Variants in HYDIN observed in about 807,000 individuals in gnomAD.
HYDIN encodes the protein axonemal central pair apparatus protein HYDIN.
A neutral mutation model predicts 403.9 loss-of-function variants in HYDIN; 132 were observed. The ratio of observed to expected loss-of-function variants is 0.33; its 90% confidence interval spans 0.28 to 0.38. The LOEUF (loss-of-function observed/expected upper bound fraction) is 0.38, where lower values mean the gene tolerates loss of function less well. Ranked by LOEUF, HYDIN falls within the 10% of genes least tolerant of loss-of-function variation. HYDIN has a pLI of 1.00. For synonymous variants in HYDIN, 1,202 were observed against 1,891.7 expected, an observed-to-expected ratio of 0.64 and a Z score of 9.46; for missense variants, 2,827 against 5,009.5, an observed-to-expected ratio of 0.56 and a Z score of 13.15.
At chr16:71,049,028 TAG>T (rs1452368624) in intron 18 of HYDIN, among the ~76,000 whole-genome samples, 1 of 152,236 alleles carries the variant, frequency 6.6e-6, no homozygotes, top group Non-Finnish European at 1.5e-5. Context: ...GTCCCTTACA[TAG>T]AAAAAGAGGC....
intron 1 of HYDIN, among the ~76,000 whole-genome samples, chr16:71,208,915 C>A (rs149540172): frequency 1.3e-5 from 2 of 152,168 alleles, no homozygotes; most frequent in African/African-American, 4.8e-5. Flanking sequence ...AGCCTACGAA[C>A]CAAAGAAAGC....
In HYDIN at chr16:70,931,769, C is replaced by T. The variant is rs541954360; in HGVS notation, c.7158+4183G>A. ...GTGGCTCATGCCTGTAATCCCAGCACTTTGGGAGGCCAAGGTGGATGGATC... is the reference window on the plus strand; with the variant it reads ...GTGGCTCATGCCTGTAATCCCAGCATTTTGGGAGGCCAAGGTGGATGGATC... On this transcript the variant is annotated intron_variant, in intron 45 of 85. Coordinates refer to ENST00000393567, the MANE Select transcript of HYDIN (RefSeq NM_001270974.2). Among the ~76,000 whole-genome samples, 3 of 152,174 alleles carry T rather than the reference C, an allele frequency of 2.0e-5. No individual in the cohort carries two copies. In the East Asian group the frequency reaches 5.8e-4, roughly 29 times the overall value.
At chr16:71,181,196 T>TAA (rs926272733) in intron 3 of HYDIN, among the ~76,000 whole-genome samples, 1 of 142,152 alleles carries the variant, frequency 7.0e-6, no homozygotes, top group African/African-American at 2.6e-5. Context: ...TGCAATACAT[T>TAA]AAAAAAAAAA....
At chr16:71,171,305 C>T (rs970528374) in intron 5 of HYDIN, among the ~76,000 whole-genome samples, 8 of 152,354 alleles carry the variant, frequency 5.3e-5, no homozygotes, top group African/African-American at 1.9e-4. Flanking sequence ...ACTTTCCTAT[C>T]AGAGAAGTCT....
chr16:70,963,052 G>A (rs533351767), intron 37 of HYDIN, among the ~76,000 whole-genome samples: 1 of 152,194 alleles, frequency 6.6e-6, no homozygotes, highest in Non-Finnish European at 1.5e-5. Context: ...GAGCACCAAG[G>A]CCTTCTCTGC....
intron 59 of HYDIN, among the ~76,000 whole-genome samples, chr16:70,883,191 A>T (rs1018204680): frequency 5.9e-5 from 9 of 151,742 alleles, no homozygotes; most frequent in African/African-American, 2.2e-4. Flanking sequence ...GGCTCCAGGG[A>T]TCCTATCGTC....
At chr16:71,037,201 C>T (rs10735133) in intron 18 of HYDIN, among the ~76,000 whole-genome samples, 1 of 136,092 alleles carries the variant, frequency 7.3e-6, no homozygotes, top group East Asian at 2.0e-4. Context: ...ATGAGTGAGA[C>T]AGTGCAGGTA....
intron 84 of HYDIN, 77 bp from the exon 85 acceptor site, chr16:70,810,084 T>C: frequency 1.5e-6 from 2 of 1,361,374 alleles, no homozygotes; most frequent in Non-Finnish European, 2.1e-6. Flanking sequence ...TGCCCAAGGC[T>C]CCATAGCAGG....
rs202089612 is a variant in HYDIN, at chr16:71,197,448, T to TTG, written c.-23-10532_-23-10531dup. 8.4e-3 allele frequency among the ~76,000 whole-genome samples: 1,274 copies of TTG among 152,344 alleles called. 11 individuals carry two copies. The highest frequency in any genetic ancestry group is 0.013 in the Non-Finnish European group (907 of 68,036). On this transcript the variant is annotated intron_variant, in intron 1 of 85. Coordinates refer to ENST00000393567, the MANE Select transcript of HYDIN (RefSeq NM_001270974.2). Reference sequence around the variant, plus strand: ...GGTTCACATCTCTAAGTGAAAAGCATTGTTACAGTTTGATTGAGCAGGTGA... The same window carrying TTG: ...GGTTCACATCTCTAAGTGAAAAGCATTGTGTTACAGTTTGATTGAGCAGGTGA...
chr16:70,901,609 G>A (rs1485843852), intron 52 of HYDIN, among the ~76,000 whole-genome samples: 9 of 141,560 alleles, frequency 6.4e-5, no homozygotes, highest in Admixed American at 4.4e-4. Context: ...TTTTGGAGAC[G>A]GAGTCTTGCT....
chr16:71,209,616 T>A (rs1294893369), intron 1 of HYDIN, among the ~76,000 whole-genome samples: 1 of 152,166 alleles, frequency 6.6e-6, no homozygotes, highest in East Asian at 1.9e-4. Flanking sequence ...GCAGATGACA[T>A]AATTCTGTAT....
chr16:71,049,182 G>A (rs1469455425), intron 18 of HYDIN, among the ~76,000 whole-genome samples: 2 of 152,262 alleles, frequency 1.3e-5, no homozygotes, highest in African/African-American at 4.8e-5. Flanking sequence ...ACCAGTAGAG[G>A]CAGCTTGAGA....
At chr16:71,085,498 A>C (rs1053190559) in intron 12 of HYDIN, among the ~76,000 whole-genome samples, 9 of 150,166 alleles carry the variant, frequency 6.0e-5, no homozygotes, top group Admixed American at 2.0e-4. Context: ...TATAGTGTTC[A>C]ACTCTTCTAT....
intron 45 of HYDIN, among the ~76,000 whole-genome samples, chr16:70,926,468 G>A (rs1461784285): frequency 2.0e-5 from 3 of 151,928 alleles, no homozygotes; most frequent in Admixed American, 2.0e-4. Flanking sequence ...TTGTGGGGTG[G>A]GGGGAGAGGG....
At chr16:70,943,789 C>G in intron 42 of HYDIN, 23 bp downstream of exon 42, 3 of 1,608,062 alleles carry the variant, frequency 1.9e-6, no homozygotes, top group Non-Finnish European at 2.5e-6. Context: ...CCCTGCAGCT[C>G]TGTGCAGGTG....
intron 12 of HYDIN, among the ~76,000 whole-genome samples, chr16:71,087,099 T>C (rs2082952019): frequency 6.6e-6 from 1 of 151,988 alleles, no homozygotes; most frequent in African/African-American, 2.4e-5. Flanking sequence ...TGTGAATGTT[T>C]CAGATAAGTC....
chr16:70,813,271 A>C (rs1433671269), intron 84 of HYDIN, among the ~76,000 whole-genome samples: 1 of 149,244 alleles, frequency 6.7e-6, no homozygotes, highest in Non-Finnish European at 1.5e-5. Context: ...ATTCTTGTGC[A>C]CTCTTTCTCT....
At chr16:70,990,394 CAAAAAAAAAAAAAAAAAAAAAAA>C (rs72381537) in intron 25 of HYDIN, among the ~76,000 whole-genome samples, 2 of 8,690 alleles carry the variant, frequency 2.3e-4, no homozygotes, top group Admixed American at 3.0e-3. Context: ...GACTCTGCCT[CAAAAAAAAAAAAAAAAAAAAAAA>C]AAAAAAAAAA....
chr16:70,977,163 G>A (rs969641105), intron 30 of HYDIN, among the ~76,000 whole-genome samples: 48 of 148,826 alleles, frequency 3.2e-4, no homozygotes, highest in African/African-American at 7.9e-4. Context: ...ACATCATTGC[G>A]TCCAGTGGGC....
Sources: allele counts gnomAD v4.1 joint callset (sites outside exome capture counted in the v4.1 genomes callset), GRCh38; gene constraint gnomAD v4.1.1; transcripts MANE v1.5; gene names NCBI Gene and HGNC (gene_info 2026-07-23, HGNC 2026-07-21).